Variants in ARL5A observed in about 807,000 individuals in gnomAD.
ARL5A encodes ARF like GTPase 5A.
ARL5A carries 18 observed loss-of-function variants against 25.9 expected under a neutral mutation model. That is an observed-to-expected ratio of 0.69 (90% CI 0.48 to 1.03). The LOEUF (loss-of-function observed/expected upper bound fraction) is 1.03, where lower values mean the gene tolerates loss of function less well. Among genes scored for constraint, ARL5A ranks in the 50% least tolerant of loss-of-function variants. The pLI, the probability that ARL5A is intolerant of heterozygous loss-of-function variation, is 0.00. For synonymous variants in ARL5A, 61 were observed against 67.5 expected (o/e 0.90, Z 0.47); for missense variants, 170 against 211.9 (o/e 0.80, Z 1.23).
intron 4 of ARL5A, among the ~76,000 whole-genome samples, chr2:151,811,378 TATAA>T (rs1292226920): frequency 6.6e-6 from 1 of 152,062 alleles, no homozygotes; most frequent in Non-Finnish European, 1.5e-5. Context: ...TATTCCTATC[TATAA>T]ATGAGTTGAG....
In ARL5A at chr2:151,801,888, A is replaced by G. The variant is rs544508673; in HGVS notation, c.*1388T>C. 1 of 152,228 alleles carries G rather than the reference A, an allele frequency of 6.6e-6. No individual in the cohort carries two copies. The highest frequency in any genetic ancestry group is 2.1e-4 in the South Asian group (1 of 4,830). 9.4% of individuals were successfully genotyped at this position (152,228 alleles called of 1,614,324 possible). ...AGTACCCAAGAATATGTTTTAACAC[A>G]TTTAGGATAAGTTTGTTTACAGTTG... On this transcript the variant is annotated 3_prime_UTR_variant, in exon 6 of 6. Coordinates refer to ENST00000295087, the MANE Select transcript of ARL5A (RefSeq NM_012097.4).
At chr2:151,809,623 G>A (rs1160736431) in intron 4 of ARL5A, among the ~76,000 whole-genome samples, 3 of 152,124 alleles carry the variant, frequency 2.0e-5, no homozygotes, top group Admixed American at 6.5e-5. Flanking sequence ...GGTGAACAAC[G>A]GTGATCTTTT....
intron 5 of ARL5A, 145 bp downstream of exon 5, chr2:151,806,676 T>G: frequency 1.3e-6 from 1 of 742,284 alleles, no homozygotes; most frequent in East Asian, 3.0e-5. Context: ...AAAAAGTCTC[T>G]GATTATAGAC....
At chr2:151,818,524 G>A (rs952992604) in intron 1 of ARL5A, among the ~76,000 whole-genome samples, 6 of 152,182 alleles carry the variant, frequency 3.9e-5, no homozygotes, top group Admixed American at 3.3e-4. Flanking sequence ...CAATCCTCCC[G>A]CCTCAGCCTC....
intron 4 of ARL5A, among the ~76,000 whole-genome samples, chr2:151,809,899 T>C (rs2099830600): frequency 6.6e-6 from 1 of 152,086 alleles, no homozygotes; most frequent in South Asian, 2.1e-4. Flanking sequence ...CTGGCCAACA[T>C]GGTAAAACCC....
At position 151,828,383 on chromosome 2, in the gene ARL5A, A is replaced by G; in HGVS notation, c.-207T>C. 2.2e-6 allele frequency: 1 copy of G among 447,278 alleles called. No individual in the cohort carries two copies. Among genetic ancestry groups the G allele is most frequent in the South Asian group, 4.1e-5 (1 of 24,420 alleles). 27.7% of individuals were successfully genotyped at this position (447,278 alleles called of 1,614,324 possible). On this transcript the variant is annotated 5_prime_UTR_variant, in exon 1 of 6. Transcript: ENST00000295087. The stretch of plus-strand genomic sequence containing the variant: ...AAGGCCCCGCCGCTGCCGCCGCGGC[A>G]CTCGCCTGGCTCGCGGACATCGCCG...
At chr2:151,808,813 C>T (rs1559818789) in intron 4 of ARL5A, among the ~76,000 whole-genome samples, 1 of 152,062 alleles carries the variant, frequency 6.6e-6, no homozygotes. Context: ...TTTGGAAGGC[C>T]GAGGTGGGTG....
intron 5 of ARL5A, among the ~76,000 whole-genome samples, chr2:151,805,059 C>A (rs1346200299): frequency 6.6e-6 from 1 of 152,056 alleles, no homozygotes; most frequent in East Asian, 1.9e-4. Context: ...AATCTTATGT[C>A]AATCCTAGAT....
rs749832162 is a variant in ARL5A at position 151,803,277 on chromosome 2, C to T, written c.539G>A (p.Ter180=). The change falls in exon 6 of 6, where the codon TGA becomes TAA. Residue 180 remains the stop codon, a stop_retained_variant. Transcript: ENST00000295087. ...TCTATGAGAAGAGGTCAGTAGAGAT[C>T]ATCTAATCTTAAGTCGTGACATCAT... The part of the protein sequence containing the change: ...EWMMSRLKIR[*] 6.2e-7 allele frequency: 1 copy of T among 1,611,516 alleles called. No homozygotes were observed. The highest frequency in any genetic ancestry group is 8.5e-7 in the Non-Finnish European group (1 of 1,177,792).
rs1432128634 is a variant in ARL5A at position 151,800,829 on chromosome 2, A to G, written c.*2447T>C. 1 of 152,658 alleles carries G rather than the reference A, an allele frequency of 6.6e-6. No homozygotes were observed. Among genetic ancestry groups the G allele is most frequent in the Admixed American group, 6.5e-5 (1 of 15,286 alleles). The allele number at this position is 152,658 out of a possible 1,614,324, so 9.5% of individuals were successfully genotyped here. A position where few individuals can be genotyped will look rare whatever the true frequency, so the allele number is the denominator to read the frequency against. On this transcript the variant is annotated 3_prime_UTR_variant, in exon 6 of 6. Transcript: ENST00000295087. The stretch of plus-strand genomic sequence containing the variant: ...TATCAAAAACAGGATATTTAAATCC[A>G]GCCACATGTACAGAACTATGAATCT...
chr2:151,828,150 C>T lies in ARL5A; in HGVS notation c.27G>A (p.Trp9Ter). The change falls in exon 1 of 6, where the codon TGG (tryptophan) becomes TGA (stop). Residue 9 changes from tryptophan to a stop codon, truncating the protein, a stop_gained. Transcript: ENST00000295087. LOFTEE classifies it high-confidence loss of function. Reference sequence around the variant, plus strand: ...CCTCACCCTGGTGATTGAACAGTCTCCATATTCTAGTGAAGAGAATTCCCA... The same window carrying T: ...CCTCACCCTGGTGATTGAACAGTCTTCATATTCTAGTGAAGAGAATTCCCA... Reference protein sequence around the residue: MGILFTRIWRLFNHQEHKV... With the variant: MGILFTRI 6.2e-7 allele frequency: 1 copy of T among 1,609,654 alleles called. No individual in the cohort carries two copies. Among genetic ancestry groups the T allele is most frequent in the Non-Finnish European group, 8.5e-7 (1 of 1,177,972 alleles).
chr2:151,811,813 C>T (rs1187214104), intron 4 of ARL5A, among the ~76,000 whole-genome samples: 1 of 152,106 alleles, frequency 6.6e-6, no homozygotes, highest in Non-Finnish European at 1.5e-5. Flanking sequence ...CTCAAGCGAT[C>T]CCCCCACCTC....
chr2:151,819,991 G>A (rs1377227185), intron 1 of ARL5A, among the ~76,000 whole-genome samples: 1 of 152,172 alleles, frequency 6.6e-6, no homozygotes, highest in Admixed American at 6.5e-5. Flanking sequence ...GGGAGGCAGA[G>A]GTAAAATTCT....
chr2:151,806,166 T>C (rs1390326758), intron 5 of ARL5A, among the ~76,000 whole-genome samples: 1 of 152,132 alleles, frequency 6.6e-6, no homozygotes, highest in African/African-American at 2.4e-5. Flanking sequence ...ACCACACCAC[T>C]TCCTTCTTGA....
intron 4 of ARL5A, 152 bp from the exon 5 acceptor site, chr2:151,807,124 T>G: frequency 1.4e-6 from 1 of 690,308 alleles, no homozygotes. Context: ...AACACATTTT[T>G]TATACTTGTA....
intron 1 of ARL5A, among the ~76,000 whole-genome samples, chr2:151,818,484 C>T (rs1578379471): frequency 6.6e-6 from 1 of 152,218 alleles, no homozygotes; most frequent in South Asian, 2.1e-4. Context: ...CCTGTGTTTC[C>T]CAGGCCGGTC....
In ARL5A at chr2:151,812,299, C is replaced by G. The variant is rs13432510; in HGVS notation, c.339+58G>C. 6 of 1,245,758 alleles carry G rather than the reference C, an allele frequency of 4.8e-6. No individual in the cohort carries two copies. The East Asian group carries it at 1.2e-4, about 25-fold the overall frequency. The allele number at this position is 1,245,758 out of a possible 1,614,324, so 77.2% of individuals were successfully genotyped here. ...AGCACCCTCATGAGAAACTAGAAAA[C>G]AAAGTATCGATTCCCATACCCTTCC... On this transcript the variant is annotated intron_variant, in intron 4 of 5. Coordinates refer to ENST00000295087, the MANE Select transcript of ARL5A (RefSeq NM_012097.4).
chr2:151,800,365 C>T lies in ARL5A; in HGVS notation c.*2911G>A, dbSNP rs1355147835. 1 of 152,202 alleles carries T rather than the reference C, an allele frequency of 6.6e-6. No individual in the cohort carries two copies. Among genetic ancestry groups the T allele is most frequent in the Non-Finnish European group, 1.5e-5 (1 of 68,034 alleles). The allele number at this position is 152,202 out of a possible 1,614,324, so 9.4% of individuals were successfully genotyped here. A position where few individuals can be genotyped will look rare whatever the true frequency, so the allele number is the denominator to read the frequency against. On this transcript the variant is annotated 3_prime_UTR_variant, in exon 6 of 6. Transcript: ENST00000295087. ...CAGGGACTTCATGCCTTTGCTCAAG[C>T]TCTGTGCATTTCTCTGGGTCTCAAA...
At chr2:151,811,853 T>A (rs1291867641) in intron 4 of ARL5A, among the ~76,000 whole-genome samples, 1 of 152,126 alleles carries the variant, frequency 6.6e-6, no homozygotes, top group Non-Finnish European at 1.5e-5. Context: ...ATTACAGGAG[T>A]GAGCCACTGT....
Sources: gnomAD v4.1 joint callset for allele counts (sites outside exome capture counted in the v4.1 genomes callset) on GRCh38, gnomAD v4.1.1 for gene constraint, MANE v1.5 for transcripts, NCBI Gene and HGNC (gene_info 2026-07-23, HGNC 2026-07-21) for gene names.